TAF4B: variants seen among roughly 807,000 people sequenced by gnomAD.
TAF4B encodes the protein transcription initiation factor TFIID subunit 4B.
TAF4B carries 38 observed loss-of-function variants against 86.4 expected under a neutral mutation model. The ratio of observed to expected loss-of-function variants is 0.44; its 90% CI spans 0.34 to 0.58. The LOEUF (loss-of-function observed/expected upper bound fraction) is 0.58. TAF4B is among the 20% of genes least tolerant of loss of function. The pLI is 0.02. For synonymous variants in TAF4B, 388 were observed against 391.2 expected, an observed-to-expected ratio of 0.99 and a Z score of 0.10; for missense variants, 988 against 1,027.6, an observed-to-expected ratio of 0.96 and a Z score of 0.53.
rs1394233588 is a variant in TAF4B at position 26,363,470 on chromosome 18, A to G, written c.2421+5676A>G. Among the ~76,000 whole-genome samples, 5 of 151,030 alleles carry G rather than the reference A, an allele frequency of 3.3e-5. No individual in the cohort carries two copies. In the East Asian group the frequency reaches 9.8e-4, roughly 29 times the overall value. On this transcript the variant is annotated intron_variant, in intron 14 of 14. Coordinates refer to ENST00000269142, the MANE Select transcript of TAF4B (RefSeq NM_005640.3). ...CTTAGGAGGGAGGATAGCTTGGCCC[A>G]GGAGGTCAAGGCTGCAGTGAGCTGT...
At chr18:26,305,928 T>C (rs1402249226) in intron 9 of TAF4B, among the ~76,000 whole-genome samples, 1 of 152,208 alleles carries the variant, frequency 6.6e-6, no homozygotes, top group Non-Finnish European at 1.5e-5. Context: ...ATTTTCTTTT[T>C]ACGATATAGA....
intron 6 of TAF4B, among the ~76,000 whole-genome samples, chr18:26,285,210 C>CTTTCCTTTTTTTTTTTTTTTTTTTT (rs2056496143): frequency 4.7e-5 from 2 of 42,550 alleles, no homozygotes; most frequent in East Asian, 1.9e-3. Context: ...TCTTCCTTTC[C>CTTTCCTTTTTTTTTTTTTTTTTTTT]TTTTTTTTTT....
chr18:26,361,217 C>T (rs1331721110), intron 14 of TAF4B, among the ~76,000 whole-genome samples: 1 of 151,908 alleles, frequency 6.6e-6, no homozygotes, highest in Non-Finnish European at 1.5e-5. Flanking sequence ...ATTTCTGTGC[C>T]AGCCCCTAGT....
At chr18:26,249,726 A>T (rs1002172027) in intron 1 of TAF4B, among the ~76,000 whole-genome samples, 17 of 150,712 alleles carry the variant, frequency 1.1e-4, no homozygotes, top group Non-Finnish European at 2.1e-4. Flanking sequence ...CACTTTATTT[A>T]TTTTTTTTTA....
intron 12 of TAF4B, among the ~76,000 whole-genome samples, chr18:26,330,402 C>T (rs943522041): frequency 6.6e-6 from 1 of 152,206 alleles, no homozygotes; most frequent in African/African-American, 2.4e-5. Flanking sequence ...CATGTCCTCA[C>T]TTTCAGGCAC....
chr18:26,227,114 C>T lies in TAF4B; in HGVS notation c.181C>T (p.Pro61Ser). 6.2e-7 allele frequency: 1 copy of T among 1,613,306 alleles called. No homozygotes were observed. Among genetic ancestry groups the T allele is most frequent in the South Asian group, 1.1e-5 (1 of 91,028 alleles). Reference protein sequence around the residue: ...SVCVEPTASQPLRSPVGTLVT... With the variant: ...SVCVEPTASQSLRSPVGTLVT... Reference sequence around the variant, plus strand: ...CTGCGTGGAGCCCACGGCGTCCCAGCCCCTGCGGTCCCCCGTGGGGACCCT... The same window carrying T: ...CTGCGTGGAGCCCACGGCGTCCCAGTCCCTGCGGTCCCCCGTGGGGACCCT... Residue 61 changes from proline (P) to serine (S), a missense_variant, in exon 1 of 15, where the codon CCC (proline) becomes TCC (serine). Around this residue, in one of 3 missense-constraint regions of TAF4B, gnomAD observed 747 missense variants for 737.9 expected, o/e 1.01. Transcript: ENST00000269142.
intron 1 of TAF4B, among the ~76,000 whole-genome samples, chr18:26,244,769 G>T (rs770113804): frequency 6.6e-6 from 1 of 152,226 alleles, no homozygotes; most frequent in Admixed American, 6.5e-5. Context: ...CAGGGACAGG[G>T]AGTGGTTTTT....
At chr18:26,262,983 C>G (rs1366674120) in intron 1 of TAF4B, among the ~76,000 whole-genome samples, 3 of 151,886 alleles carry the variant, frequency 2.0e-5, no homozygotes, top group African/African-American at 7.3e-5. Flanking sequence ...CAGTGTTGTG[C>G]TCTGTCACCT....
At position 26,267,622 on chromosome 18, in the gene TAF4B, A is replaced by G; in HGVS notation, c.596A>G (p.Gln199Arg). 6.2e-7 allele frequency: 1 copy of G among 1,609,118 alleles called. No individual in the cohort carries two copies. Among genetic ancestry groups the G allele is most frequent in the South Asian group, 1.1e-5 (1 of 90,848 alleles). Residue 199 changes from glutamine to arginine, a missense_variant and splice_region_variant, in exon 3 of 15, where the codon CAA (glutamine) becomes CGA (arginine). Gln to Arg is a conservative substitution (Grantham distance 43). Coordinates refer to ENST00000269142, the MANE Select transcript of TAF4B (RefSeq NM_005640.3). ...VTTVPKPSSV[Q>R]SVAVPTSVVT... ...ACTGTTCCGAAGCCTTCCTCAGTAC[A>G]AGTAAGTTGTGCTGGCCATTCGTGC...
intron 6 of TAF4B, among the ~76,000 whole-genome samples, chr18:26,283,947 G>T (rs1041952215): frequency 3.3e-5 from 5 of 152,120 alleles, no homozygotes; most frequent in African/African-American, 1.2e-4. Context: ...CCAGCTACTT[G>T]GGAGGCTGAG....
At chr18:26,337,408 T>TTTTC (rs887164492) in intron 13 of TAF4B, among the ~76,000 whole-genome samples, 5 of 148,900 alleles carry the variant, frequency 3.4e-5, no homozygotes, top group African/African-American at 1.2e-4. Context: ...ATCTTTTTTC[T>TTTTC]TTTCTTTCTT....
intron 13 of TAF4B, among the ~76,000 whole-genome samples, chr18:26,357,134 G>A (rs545907383): frequency 1.3e-5 from 2 of 152,212 alleles, no homozygotes; most frequent in Admixed American, 1.3e-4. Flanking sequence ...TTTGTGTGGT[G>A]CCTTTTATGA....
rs1243258991 is a variant in TAF4B at position 26,390,208 on chromosome 18, C to T, written c.*196C>T. 5.8e-6 allele frequency: 3 copies of T among 520,094 alleles called. No individual in the cohort carries two copies. Among genetic ancestry groups the T allele is most frequent in the Admixed American group, 3.7e-5 (1 of 26,956 alleles). The allele number at this position is 520,094 out of a possible 1,614,324, so 32.2% of individuals were successfully genotyped here. A position where few individuals can be genotyped will look rare whatever the true frequency, so the allele number is the denominator to read the frequency against. On this transcript the variant is annotated 3_prime_UTR_variant, in exon 15 of 15. Transcript: ENST00000269142. ...ACAGACTCAGATTCATCTTTGTCTT[C>T]TGAAAATCAGTTATGAAATACACTT...
chr18:26,315,141 TCTCTGTCTCTCTCTCTCTCTCA>T (rs2056892849), intron 9 of TAF4B, 66 bp from the exon 10 acceptor site: 4 of 340,728 alleles, frequency 1.2e-5, no homozygotes, highest in East Asian at 5.4e-5. Flanking sequence ...TCTCTCTCTC[TCTCTGTCTCTCTCTCTCTCTCA>T]CACACACACA....
intron 1 of TAF4B, among the ~76,000 whole-genome samples, chr18:26,249,359 G>A (rs988278361): frequency 1.3e-5 from 2 of 152,058 alleles, no homozygotes; most frequent in Non-Finnish European, 2.9e-5. Flanking sequence ...GTACATGCCT[G>A]TAGTGTGAGC....
In TAF4B at chr18:26,238,471, G is replaced by A. The variant is rs180942544; in HGVS notation, c.343+11195G>A. The stretch of plus-strand genomic sequence containing the variant: ...TAAAATTCCAGATAGTCCCCACTCT[G>A]CAGTCGGGCTTTGGGCAAAAATTAT... On this transcript the variant is annotated intron_variant, in intron 1 of 14. Coordinates refer to ENST00000269142, the MANE Select transcript of TAF4B (RefSeq NM_005640.3). Among the ~76,000 whole-genome samples, 1,083 of 150,340 alleles carry A rather than the reference G, an allele frequency of 7.2e-3. 5 individuals carry two copies. The highest frequency in any genetic ancestry group is 0.012 in the Non-Finnish European group (810 of 68,016).
intron 9 of TAF4B, among the ~76,000 whole-genome samples, chr18:26,313,106 A>G (rs1234556863): frequency 1.3e-5 from 2 of 152,158 alleles, no homozygotes; most frequent in Admixed American, 6.6e-5. Flanking sequence ...TCTTTGTTCC[A>G]TGTCAGTCCA....
At chr18:26,388,389 T>A (rs1384328820) in intron 14 of TAF4B, among the ~76,000 whole-genome samples, 1 of 152,252 alleles carries the variant, frequency 6.6e-6, no homozygotes, top group African/African-American at 2.4e-5. Context: ...GTACATTCAG[T>A]TTAGAAAATA....
At chr18:26,342,588 T>G (rs182710602) in intron 13 of TAF4B, among the ~76,000 whole-genome samples, 1 of 152,326 alleles carries the variant, frequency 6.6e-6, no homozygotes, top group Non-Finnish European at 1.5e-5. Flanking sequence ...TTCTTAATGT[T>G]TTTTGGGTCT....
Sources: allele counts gnomAD v4.1 joint callset (sites outside exome capture counted in the v4.1 genomes callset), GRCh38; gene constraint gnomAD v4.1.1; regional missense constraint gnomAD v4.1.1; transcripts MANE v1.5; gene names NCBI Gene and HGNC (gene_info 2026-07-23, HGNC 2026-07-21).